The following ZXDC variants were observed in gnomAD, a reference collection of about 807,000 sequenced individuals.
The protein encoded by ZXDC is zinc finger protein ZXDC.
Under a neutral mutation model 63.6 loss-of-function variants are expected in ZXDC, and 58 were observed. That is an observed-to-expected ratio of 0.91 (90% CI 0.74 to 1.13). ZXDC has a LOEUF of 1.13. Among genes scored for constraint, ZXDC ranks in the 50% most tolerant of loss-of-function variants. The pLI is 0.00. For synonymous variants in ZXDC, 561 were observed against 496.1 expected (o/e 1.13, Z -1.74); for missense variants, 1,133 against 1,148.9 (o/e 0.99, Z 0.20).
chr3:126,439,071 T>G (rs1307414006), intron 9 of ZXDC, among the ~76,000 whole-genome samples: 1 of 152,222 alleles, frequency 6.6e-6, no homozygotes, highest in Non-Finnish European at 1.5e-5. Flanking sequence ...CCCGGCCCTC[T>G]GCTCCCACCA....
intron 7 of ZXDC, chr3:126,454,881 A>G: frequency 1.0e-6 from 1 of 985,440 alleles, no homozygotes; most frequent in Non-Finnish European, 1.2e-6. Flanking sequence ...AATACTCAAG[A>G]TAAAGAAATT....
At chr3:126,444,686 TA>T (rs1383165845) in intron 7 of ZXDC, among the ~76,000 whole-genome samples, 1 of 152,224 alleles carries the variant, frequency 6.6e-6, no homozygotes, top group African/African-American at 2.4e-5. Flanking sequence ...ATAAACAAGA[TA>T]AAACTGAGCC....
chr3:126,457,504 T>A (rs1309665943), intron 7 of ZXDC: 1 of 985,322 alleles, frequency 1.0e-6, no homozygotes, highest in Non-Finnish European at 1.2e-6. Context: ...GACATTCTCC[T>A]GCTGCACTCA....
rs757975788 is a variant in ZXDC, at chr3:126,466,164, G to A, written c.1432C>T (p.Arg478Trp). 2.8e-5 allele frequency: 45 copies of A among 1,613,118 alleles called. No homozygotes were observed. The highest frequency in any genetic ancestry group is 1.1e-4 in the African/African-American group (8 of 74,888). The change falls in exon 5 of 10, where the codon CGG (arginine) becomes TGG (tryptophan). Residue 478 changes from arginine (R) to tryptophan (W), a missense_variant. Physicochemically the swap from Arg to Trp is moderately radical, Grantham distance 101 (BLOSUM62 -3). Transcript: ENST00000389709. Reference sequence around the variant, plus strand: ...CGTGGAAAGTGCAGACCTTGGCGCCGGCTGTGCTGTCTGACCATGTGCGCC... The same window carrying A: ...CGTGGAAAGTGCAGACCTTGGCGCCAGCTGTGCTGTCTGACCATGTGCGCC... ...MKAHMVRQHS[R>W]RQDLLPQLEA...
intron 1 of ZXDC, among the ~76,000 whole-genome samples, chr3:126,474,758 G>A (rs989661340): frequency 6.6e-6 from 1 of 152,232 alleles, no homozygotes; most frequent in Non-Finnish European, 1.5e-5. Context: ...GGTGATCTGC[G>A]CTACCTGCCA....
At chr3:126,458,642 G>C (rs1157049653) in intron 7 of ZXDC, 3 of 985,164 alleles carry the variant, frequency 3.0e-6, no homozygotes, top group East Asian at 1.1e-4. Context: ...TAATAAATAG[G>C]ACACGTGTTA....
chr3:126,455,552 AG>A (rs1934272431), intron 7 of ZXDC, among the ~76,000 whole-genome samples: 1 of 152,212 alleles, frequency 6.6e-6, no homozygotes, highest in Non-Finnish European at 1.5e-5. Context: ...CTAGGAAGGA[AG>A]GAAGTGCTCA....
In ZXDC at chr3:126,466,473, A is replaced by C. The variant is rs1934771464; in HGVS notation, c.1271-148T>G. 3.7e-6 allele frequency: 3 copies of C among 806,092 alleles called. No homozygotes were observed. In the South Asian group the frequency reaches 4.8e-5, roughly 13 times the overall value. The allele number at this position is 806,092 out of a possible 1,614,324, so 49.9% of individuals were successfully genotyped here. On this transcript the variant is annotated intron_variant, in intron 4 of 9. Transcript: ENST00000389709. The stretch of plus-strand genomic sequence containing the variant: ...ACAGAGACCAAATATCTCTAGAAGT[A>C]GCATCACAAGCAATTCAAGTCAAAA...
intron 7 of ZXDC, chr3:126,453,858 C>T (rs369892728): frequency 2.0e-6 from 2 of 985,200 alleles, no homozygotes; most frequent in South Asian, 9.4e-5. Flanking sequence ...AGCCACCGCG[C>T]CCAGCCTCGC....
Position 126,444,100 on chromosome 3 carries a change from T to A in ZXDC, c.2213-2154A>T, listed in dbSNP as rs1003824319. ...CAGCTGCAGGTTGAGTTTATTCAAGTGAGGGGGAACTGCCTGCCCACGAAG... is the reference window on the plus strand; with the variant it reads ...CAGCTGCAGGTTGAGTTTATTCAAGAGAGGGGGAACTGCCTGCCCACGAAG... On this transcript the variant is annotated intron_variant, in intron 7 of 9. Coordinates refer to ENST00000389709, the MANE Select transcript of ZXDC (RefSeq NM_025112.5). Among the ~76,000 whole-genome samples the A allele has an allele frequency of 3.9e-5, 6 of 152,078 alleles. No individual in the cohort carries two copies. The South Asian group carries it at 6.2e-4, about 16-fold the overall frequency.
At chr3:126,468,920 G>A (rs1934876532) in intron 4 of ZXDC, among the ~76,000 whole-genome samples, 1 of 152,032 alleles carries the variant, frequency 6.6e-6, no homozygotes, top group Non-Finnish European at 1.5e-5. Context: ...ACCGGAATCT[G>A]GGGCAGCCCC....
Position 126,475,714 on chromosome 3 carries a change from G to T in ZXDC, c.152C>A (p.Pro51His). Reference sequence around the variant, plus strand: ...GGAGGCCTCCCCGGGCCGCGCCCCGGGCCCGCCATCTTCAGGGCCCCGCAC... The same window carrying T: ...GGAGGCCTCCCCGGGCCGCGCCCCGTGCCCGCCATCTTCAGGGCCCCGCAC... ...LLVRGPEDGG[P>H]GARPGEASGP... is the part of the protein sequence containing the mutation. The change falls in exon 1 of 10, where the codon CCC becomes CAC. Residue 51 changes from proline (P) to histidine (H), a missense_variant. Physicochemically the swap from Pro to His is moderately conservative, Grantham distance 77. Transcript: ENST00000389709. 1 of 1,276,960 alleles carries T rather than the reference G, an allele frequency of 7.8e-7. No homozygotes were observed. Among genetic ancestry groups the T allele is most frequent in the Non-Finnish European group, 9.9e-7 (1 of 1,013,132 alleles). The allele number at this position is 1,276,960 out of a possible 1,614,324, so 79.1% of individuals were successfully genotyped here.
chr3:126,439,758 A>G (rs780095467), intron 8 of ZXDC, 31 bp from the exon 9 acceptor site: 2 of 1,544,162 alleles, frequency 1.3e-6, no homozygotes, highest in Non-Finnish European at 1.7e-6. Flanking sequence ...GGCCTGTCAC[A>G]TGTCTGTGAG....
chr3:126,440,737 G>T (rs746666172), intron 8 of ZXDC: 2 of 985,634 alleles, frequency 2.0e-6, no homozygotes, highest in Non-Finnish European at 2.4e-6. Context: ...CCCATCTGAC[G>T]CTCACCGCTA....
In ZXDC at chr3:126,439,677, G is replaced by A; in HGVS notation, c.2445C>T (p.Thr815=). The part of the protein sequence containing the change: ...GVLPSARGPA[T]FLPFLTVDLP... ...GGTCCACAGTGAGGAAGGGGAGGAA[G>A]GTGGCTGGGCCGCGGGCCGAGGGCA... The change falls in exon 9 of 10, where the codon ACC becomes ACT. Residue 815 remains threonine (T), a synonymous_variant. Coordinates refer to ENST00000389709, the MANE Select transcript of ZXDC (RefSeq NM_025112.5). 1.3e-6 allele frequency: 2 copies of A among 1,553,748 alleles called. No homozygotes were observed. Among genetic ancestry groups the A allele is most frequent in the Non-Finnish European group, 1.7e-6 (2 of 1,147,908 alleles).
chr3:126,466,419 T>A, intron 4 of ZXDC, 94 bp from the exon 5 acceptor site: 1 of 1,409,618 alleles, frequency 7.1e-7, no homozygotes, highest in Non-Finnish European at 9.8e-7. Flanking sequence ...CCACCAGACC[T>A]GCATTTTGCA....
chr3:126,448,875 G>A (rs920568488), intron 7 of ZXDC, among the ~76,000 whole-genome samples: 2 of 152,274 alleles, frequency 1.3e-5, no homozygotes, highest in African/African-American at 4.8e-5. Context: ...TGGAAGCGCT[G>A]AGAGGAGCCT....
At chr3:126,461,375 C>T in intron 6 of ZXDC, 160 bp downstream of exon 6, 2 of 1,414,668 alleles carry the variant, frequency 1.4e-6, no homozygotes, top group South Asian at 3.3e-5. Flanking sequence ...GGTGATTTGT[C>T]AAGGTCATAA....
intron 7 of ZXDC, among the ~76,000 whole-genome samples, chr3:126,456,772 C>T (rs1934322068): frequency 2.0e-5 from 3 of 152,176 alleles, no homozygotes; most frequent in Non-Finnish European, 4.4e-5. Context: ...TTAGGGACCC[C>T]CAAGCCCCAC....
Sources: gnomAD v4.1 joint callset for allele counts (sites outside exome capture counted in the v4.1 genomes callset) on GRCh38, gnomAD v4.1.1 for gene constraint, MANE v1.5 for transcripts, NCBI Gene and HGNC (gene_info 2026-07-23, HGNC 2026-07-21) for gene names.